Variants in MEOX2 observed in about 807,000 individuals in gnomAD.
MEOX2 encodes the protein homeobox protein MOX-2.
Under a neutral mutation model 27.0 loss-of-function variants are expected in MEOX2, and 11 were observed. The observed-to-expected ratio is 0.41, with a 90% CI of 0.26 to 0.68. The LOEUF (loss-of-function observed/expected upper bound fraction) is 0.68, where lower values mean the gene tolerates loss of function less well. MEOX2 is among the 30% of genes least tolerant of loss of function. The pLI is 0.33. For synonymous variants in MEOX2, 189 were observed against 155.4 expected, an observed-to-expected ratio of 1.22 and a Z score of -1.61; for missense variants, 436 against 385.4, an observed-to-expected ratio of 1.13 and a Z score of -1.10.
At chr7:15,654,171 C>T (rs544096995) in intron 1 of MEOX2, among the ~76,000 whole-genome samples, 5 of 151,870 alleles carry the variant, frequency 3.3e-5, no homozygotes, top group African/African-American at 4.8e-5. Context: ...TATTGGAGCT[C>T]GAATTGTGTT....
At chr7:15,685,120 G>T (rs1782356777) in intron 1 of MEOX2, among the ~76,000 whole-genome samples, 1 of 152,168 alleles carries the variant, frequency 6.6e-6, no homozygotes, top group South Asian at 2.1e-4. Context: ...ATACCCACTT[G>T]GTAGAGGGAT....
At chr7:15,629,955 T>C (rs1463269750) in intron 1 of MEOX2, among the ~76,000 whole-genome samples, 1 of 152,006 alleles carries the variant, frequency 6.6e-6, no homozygotes, top group Non-Finnish European at 1.5e-5. Flanking sequence ...GTCCCTCCCT[T>C]TTCTTCAACC....
chr7:15,658,607 C>T (rs377212211), intron 1 of MEOX2, among the ~76,000 whole-genome samples: 7 of 152,218 alleles, frequency 4.6e-5, no homozygotes, highest in Admixed American at 6.5e-5. Flanking sequence ...TCCCCCAGTA[C>T]GTATGTTGAA....
intron 1 of MEOX2, 97 bp from the exon 2 acceptor site, chr7:15,627,015 C>T (rs146520307): frequency 3.4e-6 from 4 of 1,190,230 alleles, no homozygotes; most frequent in East Asian, 4.8e-5. Flanking sequence ...TTTCCAGGTA[C>T]TGCGCTAGAC....
chr7:15,625,690 A>T (rs1001942898), intron 2 of MEOX2, among the ~76,000 whole-genome samples: 30 of 152,148 alleles, frequency 2.0e-4, no homozygotes, highest in African/African-American at 7.2e-4. Flanking sequence ...CACTGTCCAT[A>T]AAGATGTTTG....
At chr7:15,632,957 G>T (rs1781425068) in intron 1 of MEOX2, among the ~76,000 whole-genome samples, 1 of 151,920 alleles carries the variant, frequency 6.6e-6, no homozygotes, top group Non-Finnish European at 1.5e-5. Context: ...TGCACCTACA[G>T]TGGGACTAAA....
intron 1 of MEOX2, among the ~76,000 whole-genome samples, chr7:15,659,594 A>G (rs942747051): frequency 3.3e-5 from 5 of 151,998 alleles, no homozygotes; most frequent in South Asian, 4.1e-4. Context: ...CCCTGTCTCT[A>G]CTACGAATAC....
chr7:15,684,528 G>A (rs994738058), intron 1 of MEOX2, among the ~76,000 whole-genome samples: 4 of 152,164 alleles, frequency 2.6e-5, no homozygotes, highest in Admixed American at 6.5e-5. Flanking sequence ...TTTTGAGACC[G>A]TGAGAGAAGA....
chr7:15,680,159 T>C (rs1011383157), intron 1 of MEOX2: 1 of 151,914 alleles, frequency 6.6e-6, no homozygotes, highest in Non-Finnish European at 1.5e-5. Flanking sequence ...ACTTACCATG[T>C]AACTTTCTGT....
At chr7:15,622,667 G>C (rs546286029) in intron 2 of MEOX2, among the ~76,000 whole-genome samples, 1 of 152,078 alleles carries the variant, frequency 6.6e-6, no homozygotes, top group Non-Finnish European at 1.5e-5. Flanking sequence ...AGATTATATA[G>C]GGTCAAGATA....
intron 1 of MEOX2, among the ~76,000 whole-genome samples, chr7:15,661,710 C>T (rs914978426): frequency 2.0e-5 from 3 of 152,070 alleles, no homozygotes; most frequent in Admixed American, 6.5e-5. Context: ...TGGCTGGTAA[C>T]GATTAGGGCA....
chr7:15,641,915 A>G lies in MEOX2; in HGVS notation c.518-14997T>C, dbSNP rs944697214. On this transcript the variant is annotated intron_variant, in intron 1 of 2. Transcript: ENST00000262041. ...ATACAAAATTTTTTGTTGCCATTCG[A>G]AAAAAAAGGCTAAAAATGAGCCCCC... Among the ~76,000 whole-genome samples, 115 of 151,846 alleles carry G rather than the reference A, an allele frequency of 7.6e-4. 1 individual carries two copies. Among genetic ancestry groups the G allele is most frequent in the African/African-American group, 2.5e-3 (103 of 41,332 alleles).
At chr7:15,647,527 C>T (rs1316162639) in intron 1 of MEOX2, among the ~76,000 whole-genome samples, 2 of 152,028 alleles carry the variant, frequency 1.3e-5, no homozygotes, top group African/African-American at 2.4e-5. Flanking sequence ...TCTTAGCAAT[C>T]TTATGCATTA....
At chr7:15,676,747 A>G (rs1165189247) in intron 1 of MEOX2, among the ~76,000 whole-genome samples, 1 of 151,800 alleles carries the variant, frequency 6.6e-6, no homozygotes, top group Admixed American at 6.6e-5. Flanking sequence ...AGTCCCAGCT[A>G]CTCAGGAGGC....
At chr7:15,652,327 A>C in intron 1 of MEOX2, among the ~76,000 whole-genome samples, 1 of 152,052 alleles carries the variant, frequency 6.6e-6, no homozygotes, top group East Asian at 1.9e-4. Flanking sequence ...ACTCTCATTA[A>C]GTAATCTATA....
At chr7:15,626,617 A>G in intron 2 of MEOX2, 129 bp downstream of exon 2, 2 of 545,078 alleles carry the variant, frequency 3.7e-6, no homozygotes, top group Non-Finnish European at 3.1e-6. Context: ...AAATTTTATC[A>G]TGGAATAGTA....
intron 1 of MEOX2, among the ~76,000 whole-genome samples, chr7:15,629,319 C>G (rs1448277620): frequency 6.6e-6 from 1 of 152,018 alleles, no homozygotes; most frequent in Non-Finnish European, 1.5e-5. Context: ...TATATACACA[C>G]TCATTGTAAC....
chr7:15,653,373 T>C (rs1403371276), intron 1 of MEOX2, among the ~76,000 whole-genome samples: 1 of 152,038 alleles, frequency 6.6e-6, no homozygotes, highest in Non-Finnish European at 1.5e-5. Flanking sequence ...GTATTTTTGA[T>C]GTTCGTCCTT....
chr7:15,614,200 T>TAGATA (rs1781084475), intron 2 of MEOX2, among the ~76,000 whole-genome samples: 3 of 130,646 alleles, frequency 2.3e-5, no homozygotes. Context: ...TACAAATAAA[T>TAGATA]AGATAAAATA....
Sources: gnomAD v4.1 joint callset for allele counts (sites outside exome capture counted in the v4.1 genomes callset) on GRCh38, gnomAD v4.1.1 for gene constraint, MANE v1.5 for transcripts, NCBI Gene and HGNC (gene_info 2026-07-23, HGNC 2026-07-21) for gene names.